TNKS: variants seen among roughly 807,000 people sequenced by gnomAD.
The protein encoded by TNKS is poly [ADP-ribose] polymerase tankyrase-1.
TNKS carries 72 observed loss-of-function variants against 135.8 expected under a neutral mutation model. The observed-to-expected ratio is 0.53, with a 90% CI of 0.44 to 0.64. The LOEUF is 0.64. TNKS is among the 30% of genes least tolerant of loss of function. The pLI, the probability that TNKS is intolerant of heterozygous loss-of-function variation, is 0.00. For synonymous variants in TNKS, 849 were observed against 649.3 expected (o/e 1.31, Z -4.68); for missense variants, 1,769 against 1,674.0 (o/e 1.06, Z -0.99).
At chr8:9,752,339 G>A (rs1199939210) in intron 19 of TNKS, among the ~76,000 whole-genome samples, 1 of 151,910 alleles carries the variant, frequency 6.6e-6, no homozygotes, top group Non-Finnish European at 1.5e-5. Flanking sequence ...ATACTAATTT[G>A]ATAAAGATAA....
At chr8:9,729,431 G>A (rs1421486339) in intron 13 of TNKS, among the ~76,000 whole-genome samples, 2 of 152,142 alleles carry the variant, frequency 1.3e-5, no homozygotes, top group Non-Finnish European at 2.9e-5. Flanking sequence ...CCCTGCAATC[G>A]TCCTTTATAG....
intron 11 of TNKS, among the ~76,000 whole-genome samples, chr8:9,715,959 CATT>C (rs531149277): frequency 2.8e-3 from 427 of 152,240 alleles, no homozygotes; most frequent in Non-Finnish European, 4.7e-3. Context: ...TGTCTGCTCT[CATT>C]ATTAAGAAAA....
rs60138689 is a variant in TNKS, at chr8:9,721,298, T to TTATATATATATATATATATATATATA, written c.1921+767_1921+768insTATATATATATATATATATATATATA. Among the ~76,000 whole-genome samples, 731 of 118,000 alleles carry TTATATATATATATATATATATATATA rather than the reference T, an allele frequency of 6.2e-3. 19 individuals carry two copies. Among genetic ancestry groups the TTATATATATATATATATATATATATA allele is most frequent in the South Asian group, 0.01 (36 of 3,488 alleles). 77.4% of individuals were successfully genotyped at this position (118,000 alleles called of 152,430 possible). On this transcript the variant is annotated intron_variant, in intron 12 of 26. Coordinates refer to ENST00000310430, the MANE Select transcript of TNKS (RefSeq NM_003747.3). Reference sequence around the variant, plus strand: ...TCTGTCTCAAAAATAAATAAATAAATTATATATATATATAAAATTATAAAA... The same window carrying TTATATATATATATATATATATATATA: ...TCTGTCTCAAAAATAAATAAATAAATTATATATATATATATATATATATATATATATATATATATAAAATTATAAAA...
intron 5 of TNKS, among the ~76,000 whole-genome samples, chr8:9,693,191 T>C (rs2128802453): frequency 6.6e-6 from 1 of 152,306 alleles, no homozygotes; most frequent in South Asian, 2.1e-4. Flanking sequence ...AAGTAGAACA[T>C]TACTAAATAA....
chr8:9,558,095 T>C (rs1324483826), intron 1 of TNKS: 2 of 152,222 alleles, frequency 1.3e-5, no homozygotes, highest in East Asian at 3.8e-4. Context: ...AAATACATTT[T>C]ACATTGTCAC....
At chr8:9,706,412 G>A (rs1804048739) in intron 7 of TNKS, among the ~76,000 whole-genome samples, 159 bp downstream of exon 7, 1 of 152,014 alleles carries the variant, frequency 6.6e-6, no homozygotes, top group Admixed American at 6.6e-5. Flanking sequence ...CACCCAGGCT[G>A]GAGTGCAGTG....
At chr8:9,761,393 TA>T in intron 20 of TNKS, 122 bp from the exon 21 acceptor site, 1 of 1,035,764 alleles carries the variant, frequency 9.7e-7, no homozygotes, top group Non-Finnish European at 1.4e-6. Flanking sequence ...CTCATGTTTA[TA>T]AAGGGAACAA....
intron 17 of TNKS, chr8:9,740,876 C>G (rs1423107897): frequency 8.1e-6 from 1 of 123,590 alleles, no homozygotes; most frequent in Non-Finnish European, 1.6e-5. Context: ...GTGGCGCTAT[C>G]TCAGCTCACT....
chr8:9,725,974 A>G (rs1278079222), intron 12 of TNKS, among the ~76,000 whole-genome samples: 1 of 152,158 alleles, frequency 6.6e-6, no homozygotes, highest in Non-Finnish European at 1.5e-5. Context: ...TGAAAGTTGC[A>G]TTTTCCTAAA....
intron 5 of TNKS, among the ~76,000 whole-genome samples, chr8:9,701,510 A>G (rs1803803062): frequency 6.6e-6 from 1 of 152,212 alleles, no homozygotes; most frequent in African/African-American, 2.4e-5. Flanking sequence ...GAAGTTTTCA[A>G]ACTGCAATGA....
At chr8:9,581,052 C>T (rs1211780192) in intron 2 of TNKS, among the ~76,000 whole-genome samples, 1 of 152,130 alleles carries the variant, frequency 6.6e-6, no homozygotes, top group Admixed American at 6.5e-5. Context: ...AGTGTATCAT[C>T]TGTTTTTTGA....
chr8:9,747,632 A>G (rs1806307807), intron 17 of TNKS, among the ~76,000 whole-genome samples: 1 of 152,270 alleles, frequency 6.6e-6, no homozygotes, highest in Non-Finnish European at 1.5e-5. Context: ...AATAGAATGC[A>G]TATTTGAAAA....
rs1472429319 is a variant in TNKS at position 9,780,000 on chromosome 8, G to A, written c.*3264G>A. 3.3e-5 allele frequency: 5 copies of A among 152,208 alleles called. No homozygotes were observed. The highest frequency in any genetic ancestry group is 3.3e-4 in the Admixed American group (5 of 15,286). The allele number at this position is 152,208 out of a possible 1,614,324, so 9.4% of individuals were successfully genotyped here. A position where few individuals can be genotyped will look rare whatever the true frequency, so the allele number is the denominator to read the frequency against. On this transcript the variant is annotated 3_prime_UTR_variant, in exon 27 of 27. Transcript: ENST00000310430. ...TCCCTTTGCTCTCAAAATACAAAGT[G>A]CATTGAAGTATACAGAGAAATGCCT...
intron 11 of TNKS, among the ~76,000 whole-genome samples, chr8:9,711,655 CA>C (rs1804340480): frequency 6.6e-6 from 1 of 152,060 alleles, no homozygotes; most frequent in Non-Finnish European, 1.5e-5. Context: ...GACAAATGAC[CA>C]TGACTTGCAT....
chr8:9,640,483 C>T (rs1800686369), intron 3 of TNKS, among the ~76,000 whole-genome samples: 2 of 145,286 alleles, frequency 1.4e-5, no homozygotes, highest in African/African-American at 2.6e-5. Context: ...AATTGTTTAC[C>T]CAGAGCATTT....
intron 3 of TNKS, among the ~76,000 whole-genome samples, chr8:9,650,829 CATTT>C (rs1801122578): frequency 6.6e-6 from 1 of 152,132 alleles, no homozygotes. Context: ...AATTAGGTCT[CATTT>C]ATTTATTTTT....
chr8:9,630,385 G>T (rs550642421), intron 3 of TNKS, among the ~76,000 whole-genome samples: 1 of 152,234 alleles, frequency 6.6e-6, no homozygotes, highest in Admixed American at 6.5e-5. Context: ...AGGCAAGCTG[G>T]AATTGACAAT....
intron 3 of TNKS, among the ~76,000 whole-genome samples, chr8:9,672,676 A>C (rs1358806479): frequency 3.5e-4 from 40 of 114,416 alleles, no homozygotes; most frequent in African/African-American, 1.1e-3. Context: ...AAAAAAAAAA[A>C]CACATACACA....
chr8:9,752,029 G>A (rs184124716), intron 19 of TNKS, among the ~76,000 whole-genome samples, 183 bp downstream of exon 19: 10 of 152,172 alleles, frequency 6.6e-5, no homozygotes, highest in South Asian at 2.1e-4. Flanking sequence ...TGGCATTGTC[G>A]TTGTTCTTAT....
Sources: allele counts gnomAD v4.1 joint callset (sites outside exome capture counted in the v4.1 genomes callset), GRCh38; gene constraint gnomAD v4.1.1; transcripts MANE v1.5; gene names NCBI Gene and HGNC (gene_info 2026-07-23, HGNC 2026-07-21).